Variants in EPHA5 observed in about 807,000 individuals in gnomAD.
EPHA5 encodes the protein EPH receptor A5.
In EPHA5, 60 loss-of-function variants were observed where a neutral mutation model predicts 105.0. That is an observed-to-expected ratio of 0.57 (90% CI 0.46 to 0.71). The LOEUF is 0.71. EPHA5 is among the 30% of genes least tolerant of loss of function. The probability of loss-of-function intolerance (pLI) is 0.00; values close to 1 mark genes in which losing one functional copy is unlikely to be tolerated. For synonymous variants in EPHA5, 513 were observed against 449.1 expected (o/e 1.14, Z -1.80); for missense variants, 1,218 against 1,274.7 (o/e 0.96, Z 0.68).
intron 8 of EPHA5, among the ~76,000 whole-genome samples, chr4:65,388,005 C>T (rs1259666290): frequency 8.8e-6 from 1 of 113,302 alleles, no homozygotes; most frequent in African/African-American, 3.5e-5. Context: ...GTGTGATGTT[C>T]CCCTTCCTGT....
intron 2 of EPHA5, among the ~76,000 whole-genome samples, chr4:65,607,067 T>C (rs1247091742): frequency 1.3e-5 from 2 of 152,192 alleles, no homozygotes; most frequent in African/African-American, 4.8e-5. Flanking sequence ...TATTTTTATA[T>C]ATCATTTATT....
chr4:65,456,457 A>G (rs965220343), intron 5 of EPHA5, among the ~76,000 whole-genome samples: 4 of 152,154 alleles, frequency 2.6e-5, no homozygotes, highest in Admixed American at 6.5e-5. Context: ...AAGAAAAACT[A>G]TGCACTTTGT....
intron 3 of EPHA5, among the ~76,000 whole-genome samples, chr4:65,534,201 T>A (rs1736085023): frequency 1.3e-5 from 2 of 152,136 alleles, no homozygotes; most frequent in South Asian, 4.1e-4. Flanking sequence ...GTAATTGTGT[T>A]TTTTGGGTAA....
At chr4:65,527,379 T>C (rs890556709) in intron 3 of EPHA5, among the ~76,000 whole-genome samples, 3 of 152,010 alleles carry the variant, frequency 2.0e-5, no homozygotes, top group Non-Finnish European at 2.9e-5. Context: ...TTCCATAAAG[T>C]TTGAAACCAA....
intron 8 of EPHA5, among the ~76,000 whole-genome samples, chr4:65,374,678 T>A (rs527593676): frequency 6.6e-6 from 1 of 152,082 alleles, no homozygotes; most frequent in East Asian, 1.9e-4. Flanking sequence ...ATGTATCATA[T>A]TATATTAAGG....
chr4:65,528,923 T>G (rs748520346), intron 3 of EPHA5, among the ~76,000 whole-genome samples: 1 of 152,158 alleles, frequency 6.6e-6, no homozygotes, highest in Non-Finnish European at 1.5e-5. Flanking sequence ...CAGGTGACCA[T>G]GCAATTACAA....
chr4:65,378,047 CAT>C (rs1175020297), intron 8 of EPHA5, among the ~76,000 whole-genome samples: 2 of 151,748 alleles, frequency 1.3e-5, no homozygotes, highest in East Asian at 3.9e-4. Flanking sequence ...GTAAACAAAA[CAT>C]AAACTTCCAA....
chr4:65,616,032 C>T (rs1191509062), intron 2 of EPHA5, among the ~76,000 whole-genome samples: 1 of 151,806 alleles, frequency 6.6e-6, no homozygotes, highest in Non-Finnish European at 1.5e-5. Context: ...TGGAATCAGC[C>T]TATGTGACCT....
intron 5 of EPHA5, among the ~76,000 whole-genome samples, chr4:65,423,357 A>G (rs1331094822): frequency 6.6e-6 from 1 of 151,916 alleles, no homozygotes; most frequent in Non-Finnish European, 1.5e-5. Context: ...CCAGCATTCA[A>G]TATTGTACTT....
At chr4:65,536,922 T>A (rs1031298561) in intron 3 of EPHA5, among the ~76,000 whole-genome samples, 1 of 151,874 alleles carries the variant, frequency 6.6e-6, no homozygotes, top group Non-Finnish European at 1.5e-5. Context: ...GTAGAATTTG[T>A]GTGTCTGTTA....
intron 5 of EPHA5, among the ~76,000 whole-genome samples, chr4:65,461,739 CATT>C (rs1378898455): frequency 1.3e-5 from 2 of 151,910 alleles, no homozygotes; most frequent in Non-Finnish European, 1.5e-5. Context: ...AGCAAAACTT[CATT>C]AACAGCTACA....
chr4:65,655,306 T>G (rs79389364), intron 1 of EPHA5, among the ~76,000 whole-genome samples: 1 of 151,814 alleles, frequency 6.6e-6, no homozygotes, highest in South Asian at 2.1e-4. Flanking sequence ...TACTTTTTTT[T>G]AAACTATAAA....
chr4:65,507,528 C>T (rs1055913649), intron 3 of EPHA5, among the ~76,000 whole-genome samples: 2 of 152,090 alleles, frequency 1.3e-5, no homozygotes, highest in African/African-American at 4.8e-5. Flanking sequence ...TTGTTTGTAA[C>T]CTCTTTTATT....
At chr4:65,493,592 T>C (rs1480158500) in intron 4 of EPHA5, among the ~76,000 whole-genome samples, 1 of 152,128 alleles carries the variant, frequency 6.6e-6, no homozygotes, top group African/African-American at 2.4e-5. Context: ...TAAGTCCTAA[T>C]TTTTTAAATT....
intron 5 of EPHA5, among the ~76,000 whole-genome samples, chr4:65,446,633 G>A (rs536677316): frequency 6.6e-6 from 1 of 152,088 alleles, no homozygotes; most frequent in South Asian, 2.1e-4. Context: ...CTTAAGATAT[G>A]AATAATGTAC....
At chr4:65,643,154 T>C (rs1474921192) in intron 2 of EPHA5, among the ~76,000 whole-genome samples, 1 of 152,032 alleles carries the variant, frequency 6.6e-6, no homozygotes, top group African/African-American at 2.4e-5. Flanking sequence ...GAGGAAATAA[T>C]ATATTGACTC....
At chr4:65,393,597 C>A (rs766004177) in intron 8 of EPHA5, among the ~76,000 whole-genome samples, 1 of 152,142 alleles carries the variant, frequency 6.6e-6, no homozygotes, top group Non-Finnish European at 1.5e-5. Flanking sequence ...TTAATCAATG[C>A]CTTTAAATAC....
At chr4:65,654,258 A>G (rs1748869454) in intron 1 of EPHA5, among the ~76,000 whole-genome samples, 1 of 151,928 alleles carries the variant, frequency 6.6e-6, no homozygotes, top group East Asian at 1.9e-4. Context: ...AAAAAAACAA[A>G]ACTATTTTTA....
chr4:65,635,366 G>A (rs1038887496), intron 2 of EPHA5, among the ~76,000 whole-genome samples: 8 of 152,056 alleles, frequency 5.3e-5, no homozygotes, highest in African/African-American at 1.9e-4. Flanking sequence ...AAGTTCTTAA[G>A]ATCAGCATTA....
Sources: allele counts gnomAD v4.1 joint callset (sites outside exome capture counted in the v4.1 genomes callset), GRCh38; gene constraint gnomAD v4.1.1; transcripts MANE v1.5; gene names NCBI Gene and HGNC (gene_info 2026-07-23, HGNC 2026-07-21).